The following NAALADL2 variants were observed in gnomAD, a reference collection of about 807,000 sequenced individuals.
NAALADL2 encodes the protein N-acetylated alpha-linked acidic dipeptidase like 2, also known as inactive N-acetylated-alpha-linked acidic dipeptidase-like protein 2.
NAALADL2 carries 76 observed loss-of-function variants against 87.2 expected under a neutral mutation model. The ratio of observed to expected loss-of-function variants is 0.87; its 90% confidence interval spans 0.72 to 1.05. NAALADL2 has a LOEUF of 1.05. NAALADL2 is among the 50% of genes least tolerant of loss of function. NAALADL2 has a pLI of 0.00. For synonymous variants in NAALADL2, 354 were observed against 331.0 expected, an observed-to-expected ratio of 1.07 and a Z score of -0.75; for missense variants, 1,089 against 945.8, an observed-to-expected ratio of 1.15 and a Z score of -1.99.
intron 9 of NAALADL2, among the ~76,000 whole-genome samples, chr3:175,488,874 A>G (rs1225500611): frequency 6.6e-6 from 1 of 152,230 alleles, no homozygotes; most frequent in Non-Finnish European, 1.5e-5. Context: ...ATCACTGGTT[A>G]TAAGCCAGAT....
At chr3:175,665,759 C>T (rs1328214242) in intron 11 of NAALADL2, among the ~76,000 whole-genome samples, 1 of 152,198 alleles carries the variant, frequency 6.6e-6, no homozygotes, top group Non-Finnish European at 1.5e-5. Context: ...GGTGAAACCC[C>T]TTCTCTGCTA....
chr3:175,730,298 T>C (rs1344603281), intron 11 of NAALADL2, among the ~76,000 whole-genome samples: 1 of 150,142 alleles, frequency 6.7e-6, no homozygotes, highest in Non-Finnish European at 1.5e-5. Context: ...GTCAAAGAAT[T>C]ACAGTTATCC....
chr3:174,634,713 T>G (rs372637070), intron 2 of NAALADL2, among the ~76,000 whole-genome samples: 1 of 152,206 alleles, frequency 6.6e-6, no homozygotes. Flanking sequence ...TTAGTTGTTA[T>G]GCTTCTTCAC....
At chr3:174,458,482 C>T (rs1057310025) in intron 1 of NAALADL2, 1 of 152,176 alleles carries the variant, frequency 6.6e-6, no homozygotes, top group East Asian at 1.9e-4. Context: ...TTCTTTCCCT[C>T]TCCCTTTTCA....
chr3:175,216,496 G>A (rs1267011313), intron 2 of NAALADL2, among the ~76,000 whole-genome samples: 2 of 152,004 alleles, frequency 1.3e-5, no homozygotes, highest in African/African-American at 4.8e-5. Flanking sequence ...TAACTAAAAA[G>A]CCTACTCAGG....
intron 9 of NAALADL2, among the ~76,000 whole-genome samples, chr3:175,486,775 TCTCA>T (rs1727340145): frequency 6.6e-6 from 1 of 152,152 alleles, no homozygotes; most frequent in African/African-American, 2.4e-5. Context: ...GCACCTTAAC[TCTCA>T]CTCAGTTGTT....
In NAALADL2 at chr3:174,450,869, CAAAAAA is replaced by C. The variant is rs761513802; in HGVS notation, c.-184+9856_-184+9861del. Among the ~76,000 whole-genome samples, 257 of 74,880 alleles carry C rather than the reference CAAAAAA, an allele frequency of 3.4e-3. 1 individual carries two copies. The highest frequency in any genetic ancestry group is 0.011 in the African/African-American group (229 of 20,088). 49.1% of individuals were successfully genotyped at this position (74,880 alleles called of 152,430 possible). A position where few individuals can be genotyped will look rare whatever the true frequency, so the allele number is the denominator to read the frequency against. On this transcript the variant is annotated intron_variant, in intron 1 of 3. Transcript: ENST00000434257. ...TGGGCAACAGAATGAGACTCTGTCT[CAAAAAA>C]AAAAAAAAAAAAAAAAAAGAAAGAA...
At chr3:174,762,665 C>T (rs1713186174) in intron 3 of NAALADL2, among the ~76,000 whole-genome samples, 1 of 151,952 alleles carries the variant, frequency 6.6e-6, no homozygotes, top group African/African-American at 2.4e-5. Context: ...GGGTGATGTA[C>T]TTCAAAATAC....
chr3:174,794,198 G>T (rs2177281), intron 3 of NAALADL2, among the ~76,000 whole-genome samples: 5,742 of 152,068 alleles, frequency 0.038, 386 homozygotes, highest in African/African-American at 0.13. Flanking sequence ...TTTAATAACA[G>T]GTTCGATTCA....
chr3:175,067,150 A>G (rs1397790214), intron 1 of NAALADL2, among the ~76,000 whole-genome samples: 2 of 152,278 alleles, frequency 1.3e-5, no homozygotes, highest in African/African-American at 4.8e-5. Flanking sequence ...CCTAGAAGAA[A>G]ACATAGGAGA....
At chr3:175,654,067 C>T (rs746302470) in intron 11 of NAALADL2, among the ~76,000 whole-genome samples, 3 of 152,084 alleles carry the variant, frequency 2.0e-5, no homozygotes, top group Non-Finnish European at 4.4e-5. Context: ...AAAGACTGAC[C>T]CCTGGATTTT....
At chr3:174,998,427 G>A (rs1747815780) in intron 1 of NAALADL2, among the ~76,000 whole-genome samples, 1 of 152,182 alleles carries the variant, frequency 6.6e-6, no homozygotes, top group Non-Finnish European at 1.5e-5. Flanking sequence ...AGTTCGAGAA[G>A]AGAAGACTCC....
intron 5 of NAALADL2, among the ~76,000 whole-genome samples, chr3:175,346,307 C>A (rs1156634563): frequency 6.6e-6 from 1 of 152,014 alleles, no homozygotes; most frequent in African/African-American, 2.4e-5. Context: ...CACAAACACA[C>A]ACACATATGA....
chr3:174,742,477 C>T (rs990531581), intron 3 of NAALADL2, among the ~76,000 whole-genome samples: 1 of 151,516 alleles, frequency 6.6e-6, no homozygotes, highest in African/African-American at 2.4e-5. Flanking sequence ...TCATATCATG[C>T]CAGACCAAAA....
intron 11 of NAALADL2, among the ~76,000 whole-genome samples, chr3:175,657,435 G>A (rs948130696): frequency 2.0e-5 from 3 of 151,708 alleles, no homozygotes; most frequent in Non-Finnish European, 2.9e-5. Flanking sequence ...TCATATTTAC[G>A]TATTTTTTAG....
At chr3:175,737,471 T>G in intron 12 of NAALADL2, 72 bp downstream of exon 12, 1 of 911,692 alleles carries the variant, frequency 1.1e-6, no homozygotes, top group Admixed American at 1.8e-5. Context: ...AAGGAATGGA[T>G]GAAGTCATCA....
At chr3:174,621,765 C>T (rs16862619) in intron 2 of NAALADL2, among the ~76,000 whole-genome samples, 2,574 of 152,160 alleles carry the variant, frequency 0.017, 67 homozygotes, top group African/African-American at 0.057. Flanking sequence ...ACTATACTTA[C>T]GCAGGGCCTT....
intron 1 of NAALADL2, among the ~76,000 whole-genome samples, chr3:174,928,789 G>C (rs1736455714): frequency 6.6e-6 from 1 of 152,166 alleles, no homozygotes; most frequent in South Asian, 2.1e-4. Context: ...TGTGGGAAAA[G>C]TGTGTATTTC....
chr3:175,625,220 C>T (rs1186190806), intron 10 of NAALADL2, among the ~76,000 whole-genome samples: 2 of 151,940 alleles, frequency 1.3e-5, no homozygotes, highest in Non-Finnish European at 2.9e-5. Flanking sequence ...AGTTACAGTT[C>T]TATTTAAACT....
Sources: gnomAD v4.1 joint callset for allele counts (sites outside exome capture counted in the v4.1 genomes callset) on GRCh38, gnomAD v4.1.1 for gene constraint, MANE v1.5 for transcripts, NCBI Gene and HGNC (gene_info 2026-07-23, HGNC 2026-07-21) for gene names.